MAP2K4: variants seen among roughly 807,000 people sequenced by gnomAD.
MAP2K4 encodes the protein dual specificity mitogen-activated protein kinase kinase 4.
A neutral mutation model predicts 48.5 loss-of-function variants in MAP2K4; 4 were observed. The ratio of observed to expected loss-of-function variants is 0.08; its 90% CI spans 0.04 to 0.19. The LOEUF (loss-of-function observed/expected upper bound fraction) is 0.19. MAP2K4 is among the 10% of genes least tolerant of loss of function. The pLI, the probability that MAP2K4 is intolerant of heterozygous loss-of-function variation, is 1.00. For missense variants in MAP2K4, 258 were observed against 493.3 expected, an observed-to-expected ratio of 0.52 and a Z score of 4.52; for synonymous variants, 166 against 173.1, an observed-to-expected ratio of 0.96 and a Z score of 0.32.
At chr17:12,109,251 A>G (rs1393810260) in intron 5 of MAP2K4, among the ~76,000 whole-genome samples, 1 of 152,142 alleles carries the variant, frequency 6.6e-6, no homozygotes, top group Non-Finnish European at 1.5e-5. Flanking sequence ...TAGAAAACAG[A>G]AAATTATTTT....
At chr17:12,095,067 G>A (rs1043953553) in intron 3 of MAP2K4, among the ~76,000 whole-genome samples, 4 of 152,090 alleles carry the variant, frequency 2.6e-5, no homozygotes, top group East Asian at 1.9e-4. Flanking sequence ...CACTTTATCC[G>A]GTTCTGGACT....
At chr17:12,122,332 T>C (rs1972720740) in intron 7 of MAP2K4, among the ~76,000 whole-genome samples, 1 of 152,200 alleles carries the variant, frequency 6.6e-6, no homozygotes, top group African/African-American at 2.4e-5. Flanking sequence ...CTTTAATTAT[T>C]GAAGCCCTCA....
chr17:12,088,567 AAATATAT>A (rs1388154883), intron 3 of MAP2K4, among the ~76,000 whole-genome samples: 10 of 26,246 alleles, frequency 3.8e-4, no homozygotes, highest in South Asian at 6.0e-3. Flanking sequence ...AATATATATT[AAATATAT>A]AATATATAAT....
At chr17:12,119,443 C>T (rs2151582567) in intron 7 of MAP2K4, among the ~76,000 whole-genome samples, 1 of 152,312 alleles carries the variant, frequency 6.6e-6, no homozygotes, top group South Asian at 2.1e-4. Context: ...CAATGAGATA[C>T]ATCTCACACC....
intron 6 of MAP2K4, 26 bp downstream of exon 6, chr17:12,110,452 A>G: frequency 6.5e-7 from 1 of 1,526,890 alleles, no homozygotes. Flanking sequence ...TATTTTTTGT[A>G]ATAGAAATTA....
At chr17:12,069,609 C>G (rs1970723267) in intron 2 of MAP2K4, 1 of 532,888 alleles carries the variant, frequency 1.9e-6, no homozygotes. Flanking sequence ...AATGTTTGAG[C>G]CATTCTTCTG....
At chr17:12,079,981 A>C (rs1009672497) in intron 2 of MAP2K4, among the ~76,000 whole-genome samples, 1 of 152,212 alleles carries the variant, frequency 6.6e-6, no homozygotes, top group Non-Finnish European at 1.5e-5. Flanking sequence ...ACTGAAAAGC[A>C]CTTGTATGAA....
At chr17:12,043,701 A>G (rs940058512) in intron 1 of MAP2K4, among the ~76,000 whole-genome samples, 3 of 152,182 alleles carry the variant, frequency 2.0e-5, no homozygotes, top group South Asian at 4.1e-4. Context: ...GACCCTGTAT[A>G]GGGCAAGGTA....
rs1258176008 is a variant in MAP2K4 at position 12,135,050 on chromosome 17, G to A, written c.1041-4789G>A. 2.6e-5 allele frequency among the ~76,000 whole-genome samples: 4 copies of A among 152,142 alleles called. No individual in the cohort carries two copies. The East Asian group carries it at 7.7e-4, about 29-fold the overall frequency. On this transcript the variant is annotated intron_variant, in intron 9 of 10. Coordinates refer to ENST00000353533, the MANE Select transcript of MAP2K4 (RefSeq NM_003010.4). ...CCCGAGTAGCTGGGACTACAGGAAT[G>A]TGCCACTACACCTGGCTAATTTTTG...
chr17:12,121,859 T>C (rs768755109), intron 7 of MAP2K4, among the ~76,000 whole-genome samples: 13 of 152,244 alleles, frequency 8.5e-5, no homozygotes, highest in African/African-American at 1.4e-4. Context: ...CATGCCTTTT[T>C]TTTAAGCAGT....
chr17:12,105,001 G>C (rs889530043), intron 4 of MAP2K4, among the ~76,000 whole-genome samples: 7 of 152,112 alleles, frequency 4.6e-5, no homozygotes, highest in African/African-American at 1.7e-4. Context: ...CTTTTGCTAT[G>C]ATCTGCTTTG....
intron 3 of MAP2K4, among the ~76,000 whole-genome samples, chr17:12,091,983 G>A (rs763029940): frequency 6.6e-6 from 1 of 151,994 alleles, no homozygotes; most frequent in Non-Finnish European, 1.5e-5. Flanking sequence ...TCCTGGAAGC[G>A]TGTAATAACT....
intron 2 of MAP2K4, among the ~76,000 whole-genome samples, chr17:12,071,690 C>T (rs1970814382): frequency 6.6e-6 from 1 of 152,050 alleles, no homozygotes; most frequent in Non-Finnish European, 1.5e-5. Context: ...TAAATTACGG[C>T]ACTGGGAAAT....
chr17:12,051,780 T>C (rs977366873), intron 1 of MAP2K4, among the ~76,000 whole-genome samples: 1 of 152,178 alleles, frequency 6.6e-6, no homozygotes, highest in African/African-American at 2.4e-5. Flanking sequence ...ATTAAAAATA[T>C]CTGAATACAT....
chr17:12,063,971 A>T (rs111324375), intron 2 of MAP2K4, among the ~76,000 whole-genome samples: 1 of 28,056 alleles, frequency 3.6e-5, no homozygotes. Flanking sequence ...AAATTCTGTC[A>T]GGGGGCGGGG....
intron 3 of MAP2K4, among the ~76,000 whole-genome samples, chr17:12,089,460 G>C (rs1397227876): frequency 6.6e-6 from 1 of 151,996 alleles, no homozygotes; most frequent in Non-Finnish European, 1.5e-5. Flanking sequence ...TGTTTTAATT[G>C]GTGCCTGGAA....
At chr17:12,088,621 TAAGATA>T (rs1181748576) in intron 3 of MAP2K4, among the ~76,000 whole-genome samples, 1 of 130,500 alleles carries the variant, frequency 7.7e-6, no homozygotes, top group Non-Finnish European at 1.7e-5. Context: ...TGTAAAAGAT[TAAGATA>T]ATCTTTGTTC....
intron 1 of MAP2K4, chr17:12,021,316 C>T (rs1969037719): frequency 5.4e-6 from 1 of 184,758 alleles, no homozygotes; most frequent in African/African-American, 2.4e-5. Flanking sequence ...TCGCCCCCGC[C>T]GCTTACCTGG....
rs1972264077 is a variant in MAP2K4 at position 12,110,363 on chromosome 17, T to A, written c.634-12T>A. ...ACAAGTTGTTTATCCCATCTCTCCTTTTTCTCCCTAGACTGTGAAAGCACT... is the reference window on the plus strand; with the variant it reads ...ACAAGTTGTTTATCCCATCTCTCCTATTTCTCCCTAGACTGTGAAAGCACT... On this transcript the variant is annotated splice_polypyrimidine_tract_variant and intron_variant, in intron 5 of 10. Coordinates refer to ENST00000353533, the MANE Select transcript of MAP2K4 (RefSeq NM_003010.4). The A allele has an allele frequency of 1.2e-6, 2 of 1,604,000 alleles. No individual in the cohort carries two copies. Among genetic ancestry groups the A allele is most frequent in the African/African-American group, 1.3e-5 (1 of 74,782 alleles).
Sources: allele counts gnomAD v4.1 joint callset (sites outside exome capture counted in the v4.1 genomes callset), GRCh38; gene constraint gnomAD v4.1.1; transcripts MANE v1.5; gene names NCBI Gene and HGNC (gene_info 2026-07-23, HGNC 2026-07-21).